EXOC2: variants seen among roughly 807,000 people sequenced by gnomAD.
The protein encoded by EXOC2 is exocyst complex component 2, also known as SEC5-like 1.
EXOC2 carries 70 observed loss-of-function variants against 131.8 expected under a neutral mutation model. The observed-to-expected ratio is 0.53, with a 90% CI of 0.44 to 0.65. The LOEUF is 0.65. Among genes scored for constraint, EXOC2 ranks in the 30% least tolerant of loss-of-function variants. The pLI is 0.00. For synonymous variants in EXOC2, 411 were observed against 398.4 expected (o/e 1.03, Z -0.38); for missense variants, 923 against 1,108.6 (o/e 0.83, Z 2.38).
At chr6:499,053 G>T (rs910320269) in intron 24 of EXOC2, among the ~76,000 whole-genome samples, 1 of 152,204 alleles carries the variant, frequency 6.6e-6, no homozygotes, top group African/African-American at 2.4e-5. Context: ...CACTGAGGAT[G>T]TTAACACAAA....
intron 23 of EXOC2, among the ~76,000 whole-genome samples, chr6:504,091 C>T (rs1415947751): frequency 2.0e-5 from 3 of 152,216 alleles, no homozygotes; most frequent in African/African-American, 4.8e-5. Flanking sequence ...ACGGCCAACA[C>T]CGTTGGCAAA....
At chr6:547,445 C>A (rs537667629) in intron 22 of EXOC2, among the ~76,000 whole-genome samples, 1 of 152,172 alleles carries the variant, frequency 6.6e-6, no homozygotes, top group Non-Finnish European at 1.5e-5. Context: ...TCTTCAAGTG[C>A]GGAAACAGAG....
chr6:683,698 T>G (rs984178641), intron 1 of EXOC2, among the ~76,000 whole-genome samples: 7 of 152,370 alleles, frequency 4.6e-5, no homozygotes, highest in African/African-American at 1.7e-4. Flanking sequence ...TATAATAGCT[T>G]TTCCAATTTC....
At chr6:563,061 T>A (rs1757782739) in intron 16 of EXOC2, among the ~76,000 whole-genome samples, 1 of 152,200 alleles carries the variant, frequency 6.6e-6, no homozygotes, top group Non-Finnish European at 1.5e-5. Flanking sequence ...TGAATAAAAG[T>A]TTTTACTGTA....
rs763029354 is a variant in EXOC2, at chr6:564,139, C to G, written c.1683G>C (p.Ser561=). 1 of 1,613,710 alleles carries G rather than the reference C, an allele frequency of 6.2e-7. No individual in the cohort carries two copies. Among genetic ancestry groups the G allele is most frequent in the Non-Finnish European group, 8.5e-7 (1 of 1,179,940 alleles). Reference sequence around the variant, plus strand: ...CATTAGGAATTTCAAGGGCAGTCAACGATTCATGAGTAAGTCTGCGAACAA... The same window carrying G: ...CATTAGGAATTTCAAGGGCAGTCAAGGATTCATGAGTAAGTCTGCGAACAA... ...AIQTVRLTHE[S]LTALEIPNDL... The change falls in exon 16 of 28, where the codon TCG becomes TCC. Residue 561 remains serine, a synonymous_variant. Coordinates refer to ENST00000230449, the MANE Select transcript of EXOC2 (RefSeq NM_018303.6).
chr6:576,342 G>T (rs1417580808), intron 12 of EXOC2, among the ~76,000 whole-genome samples: 2 of 152,056 alleles, frequency 1.3e-5, no homozygotes, highest in African/African-American at 4.8e-5. Context: ...GTATTTTATG[G>T]TTAATTAACA....
At chr6:664,697 C>G (rs1256855002) in intron 1 of EXOC2, among the ~76,000 whole-genome samples, 1 of 152,122 alleles carries the variant, frequency 6.6e-6, no homozygotes, top group African/African-American at 2.4e-5. Context: ...GAAAGGACAC[C>G]CATTTCAACA....
intron 1 of EXOC2, among the ~76,000 whole-genome samples, chr6:654,998 A>G (rs186569190): frequency 6.7e-6 from 1 of 149,502 alleles, no homozygotes; most frequent in African/African-American, 2.5e-5. Context: ...AAACAACAAC[A>G]AAAGATTTAG....
At chr6:600,769 C>T (rs1475584023) in intron 7 of EXOC2, among the ~76,000 whole-genome samples, 1 of 151,920 alleles carries the variant, frequency 6.6e-6, no homozygotes, top group Non-Finnish European at 1.5e-5. Context: ...AATTTATATG[C>T]AGAAATTATA....
intron 1 of EXOC2, among the ~76,000 whole-genome samples, chr6:646,242 A>G (rs909685584): frequency 6.6e-6 from 1 of 152,216 alleles, no homozygotes; most frequent in African/African-American, 2.4e-5. Flanking sequence ...CCTTATTCTT[A>G]ATAACTACAT....
intron 1 of EXOC2, chr6:656,507 C>A: frequency 6.2e-7 from 1 of 1,604,876 alleles, no homozygotes; most frequent in Non-Finnish European, 8.5e-7. Flanking sequence ...GGCTGGGCGG[C>A]AGGCAGTCCC....
chr6:674,154 C>T (rs1366952628), intron 1 of EXOC2, among the ~76,000 whole-genome samples: 1 of 152,190 alleles, frequency 6.6e-6, no homozygotes, highest in East Asian at 1.9e-4. Context: ...GATCATAATT[C>T]TCATGCAATT....
At chr6:562,057 C>T (rs989362219) in intron 17 of EXOC2, among the ~76,000 whole-genome samples, 6 of 152,182 alleles carry the variant, frequency 3.9e-5, no homozygotes, top group East Asian at 1.9e-4. Context: ...AGCCAGGCCA[C>T]GAGTGACCCC....
intron 16 of EXOC2, 74 bp from the exon 17 acceptor site, chr6:562,919 C>A: frequency 2.8e-6 from 3 of 1,089,776 alleles, no homozygotes; most frequent in South Asian, 1.9e-5. Flanking sequence ...AAAATGTATA[C>A]AGGTTATGGT....
At chr6:657,068 GCACTC>G (rs1241994314) in intron 1 of EXOC2, 12 of 809,160 alleles carry the variant, frequency 1.5e-5, no homozygotes, top group Non-Finnish European at 2.2e-5. Context: ...AGCTAGGCAG[GCACTC>G]GGGTTCCCGG....
intron 21 of EXOC2, 77 bp from the exon 22 acceptor site, chr6:549,368 A>C: frequency 9.9e-7 from 1 of 1,007,860 alleles, no homozygotes. Context: ...TGTCAAGTTT[A>C]ATTATAATCT....
chr6:506,070 C>T lies in EXOC2; in HGVS notation c.2381-6370G>A, dbSNP rs149482921. Among the ~76,000 whole-genome samples the T allele has an allele frequency of 7.8e-4, 119 of 152,328 alleles. No individual in the cohort carries two copies. Among genetic ancestry groups the T allele is most frequent in the Non-Finnish European group, 1.4e-3 (92 of 68,012 alleles). ...TTCCTTGGGAAAGCATACAATCTCT[C>T]GCTTCTCACAAAGACAGTCCTTTTG... On this transcript the variant is annotated intron_variant, in intron 23 of 27. Coordinates refer to ENST00000230449, the MANE Select transcript of EXOC2 (RefSeq NM_018303.6). The surrounding 1 kb of genome is among the most constrained non-coding windows in gnomAD (Gnocchi z 4.4).
chr6:549,061 T>G (rs1581415003), intron 22 of EXOC2, 114 bp downstream of exon 22: 19 of 787,184 alleles, frequency 2.4e-5, no homozygotes, highest in Non-Finnish European at 1.1e-5. Flanking sequence ...AGTGTGGCTG[T>G]GGGGGCGGCA....
At chr6:580,464 T>C (rs1276167894) in intron 11 of EXOC2, among the ~76,000 whole-genome samples, 2 of 152,238 alleles carry the variant, frequency 1.3e-5, no homozygotes, top group South Asian at 2.1e-4. Context: ...AAATTTTCTA[T>C]AGAAATTAAC....
Sources: gnomAD v4.1 joint callset for allele counts (sites outside exome capture counted in the v4.1 genomes callset) on GRCh38, gnomAD v4.1.1 for gene constraint, Gnocchi (gnomAD v3.1) non-coding constraint, MANE v1.5 for transcripts, NCBI Gene and HGNC (gene_info 2026-07-23, HGNC 2026-07-21) for gene names.